The following SPATA6 variants were observed in gnomAD, a reference collection of about 807,000 sequenced individuals.
SPATA6 encodes spermatogenesis-associated protein 6.
SPATA6 carries 56 observed loss-of-function variants against 65.3 expected under a neutral mutation model. The ratio of observed to expected loss-of-function variants is 0.86; its 90% CI spans 0.69 to 1.07. SPATA6 has a LOEUF of 1.07. Ranked by LOEUF, SPATA6 falls within the 50% of genes least tolerant of loss-of-function variation. The pLI is 0.00. For missense variants in SPATA6, 590 were observed against 594.8 expected (o/e 0.99, Z 0.08); for synonymous variants, 199 against 213.2 (o/e 0.93, Z 0.58).
At chr1:48,317,578 AATG>A in intron 11 of SPATA6, among the ~76,000 whole-genome samples, 1 of 152,282 alleles carries the variant, frequency 6.6e-6, no homozygotes, top group African/African-American at 2.4e-5. Flanking sequence ...CCTAATGTTA[AATG>A]ATGAGTTAAT....
intron 3 of SPATA6, among the ~76,000 whole-genome samples, chr1:48,427,545 C>A (rs1653957204): frequency 6.6e-6 from 1 of 150,454 alleles, no homozygotes; most frequent in Non-Finnish European, 1.5e-5. Flanking sequence ...ATATATACAA[C>A]GAATTTAAAG....
the SPATA6 span, among the ~76,000 whole-genome samples, chr1:48,285,692 G>A: frequency 1.5e-4 from 23 of 152,048 alleles, no homozygotes; most frequent in African/African-American, 4.8e-4. Context: ...ACTATGGCAG[G>A]GAGTTCCTGA....
At chr1:48,437,811 G>A (rs1477291341) in intron 3 of SPATA6, among the ~76,000 whole-genome samples, 2 of 151,188 alleles carry the variant, frequency 1.3e-5, no homozygotes, top group Non-Finnish European at 2.9e-5. Flanking sequence ...AAAAAAGGGG[G>A]CTAAAGTAAC....
rs140595835 is a variant in SPATA6, at chr1:48,384,380, G to C, written c.909+929C>G. ...AGAGGGAGAGGGAGAGGGAGAGGGA[G>C]AGGGAGAGGGAGAGGGAGAGGGAGA... On this transcript the variant is annotated intron_variant, in intron 9 of 12. Coordinates refer to ENST00000371847, the MANE Select transcript of SPATA6 (RefSeq NM_019073.4). Among the ~76,000 whole-genome samples, 187 of 41,070 alleles carry C rather than the reference G, an allele frequency of 4.6e-3. 27 individuals carry two copies. The highest frequency in any genetic ancestry group is 0.024 in the African/African-American group (163 of 6,906). The allele number at this position is 41,070 out of a possible 152,430, so 26.9% of individuals were successfully genotyped here. A position where few individuals can be genotyped will look rare whatever the true frequency, so the allele number is the denominator to read the frequency against.
At chr1:48,399,271 T>G (rs1650908665) in intron 7 of SPATA6, 80 bp downstream of exon 7, 1 of 1,451,514 alleles carries the variant, frequency 6.9e-7, no homozygotes, top group African/African-American at 1.4e-5. Flanking sequence ...AGCTAGAAGT[T>G]GAAAGATATT....
At chr1:48,423,998 C>T (rs901281063) in intron 3 of SPATA6, among the ~76,000 whole-genome samples, 2 of 152,162 alleles carry the variant, frequency 1.3e-5, no homozygotes, top group Non-Finnish European at 2.9e-5. Flanking sequence ...CTTTGAGTTA[C>T]AAACAATCCA....
At chr1:48,305,077 C>T (rs1319709304) in intron 12 of SPATA6, among the ~76,000 whole-genome samples, 1 of 152,076 alleles carries the variant, frequency 6.6e-6, no homozygotes, top group Non-Finnish European at 1.5e-5. Flanking sequence ...GTGTAAGGGG[C>T]ATAAGGAAAA....
At chr1:48,323,211 C>T (rs1645650104) in intron 11 of SPATA6, among the ~76,000 whole-genome samples, 1 of 152,146 alleles carries the variant, frequency 6.6e-6, no homozygotes, top group African/African-American at 2.4e-5. Context: ...AAATGTGGCA[C>T]ATATATACCA....
At position 48,450,443 on chromosome 1, in the gene SPATA6, CA is replaced by C. The variant is rs1417018771; in HGVS notation, c.238+1108del. On this transcript the variant is annotated intron_variant, in intron 3 of 12. Transcript: ENST00000371847. ...CCTCAAAATTTCAAATCAAATGGGA[CA>C]AAAAAGGCATTGTTTTTTAACAGAA... Among the ~76,000 whole-genome samples the C allele has an allele frequency of 7.9e-5, 12 of 150,990 alleles. No homozygotes were observed. In the South Asian group the frequency reaches 1.7e-3, roughly 21 times the overall value.
intron 9 of SPATA6, among the ~76,000 whole-genome samples, chr1:48,383,287 G>T (rs1648977527): frequency 2.1e-5 from 1 of 48,576 alleles, no homozygotes; most frequent in Non-Finnish European, 5.0e-5. Flanking sequence ...CCCGGACGGG[G>T]CGGCTGGCCG....
chr1:48,338,938 T>C (rs972491868), intron 11 of SPATA6, among the ~76,000 whole-genome samples: 7 of 152,038 alleles, frequency 4.6e-5, no homozygotes, highest in Admixed American at 1.3e-4. Flanking sequence ...CTGAGGACAC[T>C]TGACTTCTGA....
At chr1:48,268,301 AAT>A in the SPATA6 span, among the ~76,000 whole-genome samples, 3 of 111,978 alleles carry the variant, frequency 2.7e-5, no homozygotes, top group Admixed American at 9.1e-5. Flanking sequence ...TAAAAATAAA[AAT>A]ATGTGTGTGT....
chr1:48,464,944 TA>T lies in SPATA6; in HGVS notation c.51+7013del, dbSNP rs773413400. On this transcript the variant is annotated intron_variant, in intron 1 of 12. Coordinates refer to ENST00000371847, the MANE Select transcript of SPATA6 (RefSeq NM_019073.4). ...AATAAATATATACAAGTTTGTCAAG[TA>T]AAATAATCATTTTAAAAATCAATAG... 7.2e-4 allele frequency among the ~76,000 whole-genome samples: 110 copies of T among 152,238 alleles called. 1 individual carries two copies. Among genetic ancestry groups the T allele is most frequent in the Middle Eastern group, 3.4e-3 (1 of 294 alleles).
chr1:48,363,649 C>G (rs1646891285), intron 9 of SPATA6, among the ~76,000 whole-genome samples: 1 of 151,270 alleles, frequency 6.6e-6, no homozygotes, highest in South Asian at 2.1e-4. Context: ...TTCTATGAAC[C>G]CACAAATGCA....
intron 3 of SPATA6, among the ~76,000 whole-genome samples, chr1:48,414,159 G>A (rs1334000423): frequency 1.3e-5 from 2 of 152,208 alleles, no homozygotes; most frequent in African/African-American, 2.4e-5. Flanking sequence ...GGACAAGTGT[G>A]AGAGATTAAA....
chr1:48,414,246 T>C (rs1652551456), intron 3 of SPATA6, among the ~76,000 whole-genome samples: 1 of 152,184 alleles, frequency 6.6e-6, no homozygotes, highest in Non-Finnish European at 1.5e-5. Flanking sequence ...AGGTTCTCAC[T>C]ATAAATACTG....
intron 3 of SPATA6, among the ~76,000 whole-genome samples, chr1:48,418,321 C>A (rs1418649369): frequency 6.6e-6 from 1 of 151,864 alleles, no homozygotes; most frequent in Non-Finnish European, 1.5e-5. Context: ...TTCTATGAAA[C>A]TTGACTGACC....
intron 8 of SPATA6, 37 bp from the exon 9 acceptor site, chr1:48,385,386 T>C (rs776660332): frequency 1.3e-6 from 2 of 1,584,308 alleles, no homozygotes; most frequent in African/African-American, 2.7e-5. Flanking sequence ...AAGTTTAAAT[T>C]TGGTTTCATC....
At chr1:48,273,540 G>A in the SPATA6 span, among the ~76,000 whole-genome samples, 1 of 152,034 alleles carries the variant, frequency 6.6e-6, no homozygotes, top group African/African-American at 2.4e-5. Context: ...CCCTTGCTGT[G>A]TCCATGTGTT....
Sources: allele counts gnomAD v4.1 joint callset (sites outside exome capture counted in the v4.1 genomes callset), GRCh38; gene constraint gnomAD v4.1.1; transcripts MANE v1.5; gene names NCBI Gene and HGNC (gene_info 2026-07-23, HGNC 2026-07-21).